NIPBL: variants seen among roughly 807,000 people sequenced by gnomAD.
NIPBL encodes the protein nipped-B-like protein.
A neutral mutation model predicts 321.8 loss-of-function variants in NIPBL; 19 were observed. That is an observed-to-expected ratio of 0.06 (90% confidence interval 0.04 to 0.09). NIPBL has a LOEUF of 0.09. Among genes scored for constraint, NIPBL ranks in the 10% least tolerant of loss-of-function variants. The pLI is 1.00. For synonymous variants in NIPBL, 1,106 were observed against 1,114.1 expected (o/e 0.99, Z 0.14); for missense variants, 2,210 against 3,327.0 (o/e 0.66, Z 8.26).
chr5:37,059,273 G>GAGGCGGGCAGATCCCCTGAGGTC (rs1754413098), intron 44 of NIPBL, 108 bp downstream of exon 44: 1 of 1,151,020 alleles, frequency 8.7e-7, no homozygotes, highest in African/African-American at 1.5e-5. Context: ...TTGGGAGGCT[G>GAGGCGGGCAGATCCCCTGAGGTC]AGGCGGGCAG....
intron 1 of NIPBL, among the ~76,000 whole-genome samples, chr5:36,952,053 T>TGTGTGCGCGCGCGCGCGC (rs778597604): frequency 8.9e-6 from 1 of 112,112 alleles, no homozygotes; most frequent in African/African-American, 3.1e-5. Context: ...TGTGTGTGTG[T>TGTGTGCGCGCGCGCGCGC]GCGCGCGCGC....
Position 37,063,933 on chromosome 5 carries a change from A to T in NIPBL, c.8004A>T (p.Glu2668Asp), listed in dbSNP as rs373944245. Residue 2668 changes from glutamate (E) to aspartate (D), a missense_variant, in exon 46 of 47, where the codon GAA (glutamate) becomes GAT (aspartate). Around this residue, in one of 14 missense-constraint regions of NIPBL, gnomAD observed 159 missense variants for 319.2 expected, o/e 0.50. Coordinates refer to ENST00000282516, the MANE Select transcript of NIPBL (RefSeq NM_133433.4). ...AAAATAATACAGCAGCAGAGACAGAAGATGATGAAAGTGATGGGGAGGATA... is the reference window on the plus strand; with the variant it reads ...AAAATAATACAGCAGCAGAGACAGATGATGATGAAAGTGATGGGGAGGATA... ...SPKNNTAAET[E>D]DDESDGEDRG... 14 of 1,614,084 alleles carry T rather than the reference A, an allele frequency of 8.7e-6. No individual in the cohort carries two copies. In the South Asian group the frequency reaches 9.9e-5, roughly 11 times the overall value.
chr5:36,877,251 C>A, intron 1 of NIPBL, 73 bp downstream of exon 1: 1 of 171,704 alleles, frequency 5.8e-6, no homozygotes, highest in South Asian at 1.9e-4. Flanking sequence ...CTCTCCTCCT[C>A]GCTCCCCTCC....
intron 42 of NIPBL, among the ~76,000 whole-genome samples, chr5:37,055,522 TG>T (rs1480819841): frequency 2.0e-5 from 3 of 151,948 alleles, no homozygotes; most frequent in Non-Finnish European, 4.4e-5. Context: ...GCAAAGGAGT[TG>T]GCTTGAGGAG....
intron 1 of NIPBL, among the ~76,000 whole-genome samples, chr5:36,891,835 C>T (rs866698871): frequency 1.1e-4 from 17 of 151,800 alleles, no homozygotes; most frequent in Middle Eastern, 3.2e-3. Flanking sequence ...GGGATTGTAG[C>T]GAAGGAAACC....
At chr5:36,973,092 T>C (rs1743051399) in intron 8 of NIPBL, among the ~76,000 whole-genome samples, 1 of 152,198 alleles carries the variant, frequency 6.6e-6, no homozygotes, top group African/African-American at 2.4e-5. Context: ...TACTTAAAAT[T>C]GTAGTCAAAT....
At chr5:36,891,864 G>A (rs1425660703) in intron 1 of NIPBL, among the ~76,000 whole-genome samples, 2 of 152,100 alleles carry the variant, frequency 1.3e-5, no homozygotes, top group Non-Finnish European at 2.9e-5. Context: ...ATATTAAAGA[G>A]TTAATCTAGT....
chr5:36,980,713 C>T (rs1273390062), intron 9 of NIPBL, among the ~76,000 whole-genome samples: 1 of 151,606 alleles, frequency 6.6e-6, no homozygotes, highest in East Asian at 1.9e-4. Context: ...GTTCACGTAA[C>T]AGAGACACCT....
chr5:37,021,041 G>A (rs1749569047), intron 27 of NIPBL, among the ~76,000 whole-genome samples, 164 bp downstream of exon 27: 1 of 152,268 alleles, frequency 6.6e-6, no homozygotes, highest in East Asian at 1.9e-4. Flanking sequence ...GCTCACGCCT[G>A]TAATCCCAAC....
At chr5:37,058,042 C>T (rs1375526132) in intron 43 of NIPBL, among the ~76,000 whole-genome samples, 1 of 152,086 alleles carries the variant, frequency 6.6e-6, no homozygotes, top group Non-Finnish European at 1.5e-5. Context: ...TTTTAGATGC[C>T]TCCTGAGGGC....
At chr5:36,919,441 C>T (rs1216017321) in intron 1 of NIPBL, among the ~76,000 whole-genome samples, 1 of 151,830 alleles carries the variant, frequency 6.6e-6, no homozygotes, top group Non-Finnish European at 1.5e-5. Flanking sequence ...TTGAGTGATC[C>T]TTCCACCTCA....
intron 1 of NIPBL, among the ~76,000 whole-genome samples, chr5:36,914,609 C>T (rs1056342331): frequency 6.6e-6 from 1 of 152,228 alleles, no homozygotes; most frequent in Admixed American, 6.5e-5. Context: ...AGACTTGGGT[C>T]CCATCTACAA....
chr5:36,932,237 T>C (rs1580264093), intron 1 of NIPBL, among the ~76,000 whole-genome samples: 1 of 152,294 alleles, frequency 6.6e-6, no homozygotes, highest in East Asian at 1.9e-4. Context: ...GGGTGGAGTG[T>C]TCTGTAAACT....
intron 1 of NIPBL, among the ~76,000 whole-genome samples, chr5:36,935,776 A>G (rs1738340147): frequency 6.6e-6 from 1 of 152,092 alleles, no homozygotes; most frequent in South Asian, 2.1e-4. Context: ...TTCACCTTCC[A>G]AAGGCTCTAG....
chr5:37,046,616 CAAT>C (rs1753008374), intron 38 of NIPBL, among the ~76,000 whole-genome samples: 1 of 152,178 alleles, frequency 6.6e-6, no homozygotes, highest in South Asian at 2.1e-4. Flanking sequence ...CTGGTTAAAA[CAAT>C]GATCAGTCTA....
chr5:36,987,982 G>A (rs1388802549), intron 10 of NIPBL, among the ~76,000 whole-genome samples: 1 of 152,040 alleles, frequency 6.6e-6, no homozygotes, highest in Non-Finnish European at 1.5e-5. Context: ...TACAATTTTA[G>A]AAGAGTCAGG....
intron 1 of NIPBL, among the ~76,000 whole-genome samples, chr5:36,878,994 G>T (rs928194654): frequency 7.2e-6 from 1 of 139,548 alleles, no homozygotes; most frequent in African/African-American, 2.6e-5. Context: ...GCGAGTGGGG[G>T]GCATGCCAGG....
Position 37,019,403 on chromosome 5 carries a change from A to G in NIPBL, c.5010+3A>G. On this transcript the variant is annotated splice_donor_region_variant and intron_variant, in intron 25 of 46. Transcript: ENST00000282516. ...CTGAGACTGATCCTTCACTAGTGGT[A>G]GGATTCTTTTCCCCTGTTTTGGAGA... 1.2e-6 allele frequency: 2 copies of G among 1,604,318 alleles called. No homozygotes were observed. Among genetic ancestry groups the G allele is most frequent in the East Asian group, 2.2e-5 (1 of 44,720 alleles).
At chr5:36,973,695 T>A (rs983803811) in intron 8 of NIPBL, among the ~76,000 whole-genome samples, 42 of 152,274 alleles carry the variant, frequency 2.8e-4, no homozygotes, top group African/African-American at 8.9e-4. Context: ...GGTCTCGAAC[T>A]CCTGACCTCG....
Sources: allele counts gnomAD v4.1 joint callset (sites outside exome capture counted in the v4.1 genomes callset), GRCh38; gene constraint gnomAD v4.1.1; regional missense constraint gnomAD v4.1.1; transcripts MANE v1.5; gene names NCBI Gene and HGNC (gene_info 2026-07-23, HGNC 2026-07-21).